Variants in PPFIBP1 observed in about 807,000 individuals in gnomAD.
The protein encoded by PPFIBP1 is PPFIB scaffold protein 1, also known as liprin-beta-1.
In PPFIBP1, 112 loss-of-function variants were observed where a neutral mutation model predicts 137.8. That is an observed-to-expected ratio of 0.81 (90% confidence interval 0.70 to 0.95). The LOEUF is 0.95. Ranked by LOEUF, PPFIBP1 falls within the 40% of genes least tolerant of loss-of-function variation. PPFIBP1 has a pLI of 0.00. For synonymous variants in PPFIBP1, 378 were observed against 417.3 expected (o/e 0.91, Z 1.15); for missense variants, 1,083 against 1,196.6 (o/e 0.91, Z 1.40).
chr12:27,676,971 CGAG>C (rs2060555186), intron 18 of PPFIBP1, 90 bp from the exon 19 acceptor site: 2 of 1,540,594 alleles, frequency 1.3e-6, no homozygotes, highest in African/African-American at 1.4e-5. Context: ...GTGTATTTGG[CGAG>C]GAGGAGTCTG....
At chr12:27,631,445 G>A (rs1016855447) in intron 2 of PPFIBP1, among the ~76,000 whole-genome samples, 6 of 151,962 alleles carry the variant, frequency 3.9e-5, no homozygotes, top group Non-Finnish European at 8.8e-5. Context: ...TACCACCTTC[G>A]CCATGTTACA....
intron 2 of PPFIBP1, among the ~76,000 whole-genome samples, chr12:27,600,503 T>G (rs2053860388): frequency 6.6e-6 from 1 of 152,092 alleles, no homozygotes. Flanking sequence ...AACGCCTGTG[T>G]ACTTAAATCT....
chr12:27,548,068 T>C (rs1946402991), intron 1 of PPFIBP1: 1 of 152,212 alleles, frequency 6.6e-6, no homozygotes, highest in South Asian at 2.1e-4. Context: ...CTTTGTGAAC[T>C]ATTAAATAAA....
At chr12:27,676,751 C>T (rs540494941) in intron 18 of PPFIBP1, 152 bp downstream of exon 18, 41 of 774,198 alleles carry the variant, frequency 5.3e-5, no homozygotes, top group Non-Finnish European at 7.5e-5. Context: ...AAAATGCCTC[C>T]GTGGATTTAA....
In PPFIBP1 at chr12:27,693,280, T is replaced by C. The variant is rs541448659; in HGVS notation, c.*398T>C. 1 of 157,148 alleles carries C rather than the reference T, an allele frequency of 6.4e-6. No individual in the cohort carries two copies. Among genetic ancestry groups the C allele is most frequent in the African/African-American group, 2.4e-5 (1 of 41,636 alleles). 9.7% of individuals were successfully genotyped at this position (157,148 alleles called of 1,614,324 possible). A position where few individuals can be genotyped will look rare whatever the true frequency, so the allele number is the denominator to read the frequency against. ...CCACCTAAGTAGGACATTATATGAT[T>C]TCAGAATCAATATGTGGAACTTCTT... On this transcript the variant is annotated 3_prime_UTR_variant, in exon 30 of 30. Coordinates refer to ENST00000228425, the MANE Select transcript of PPFIBP1 (RefSeq NM_003622.4).
chr12:27,541,425 C>T (rs571722685), intron 1 of PPFIBP1, among the ~76,000 whole-genome samples: 2 of 152,048 alleles, frequency 1.3e-5, no homozygotes, highest in Admixed American at 6.6e-5. Flanking sequence ...CTGAAACCAG[C>T]GGCTTGCTGA....
intron 13 of PPFIBP1, 48 bp downstream of exon 13, chr12:27,667,368 A>C (rs2059919526): frequency 6.8e-7 from 1 of 1,470,290 alleles, no homozygotes; most frequent in African/African-American, 1.4e-5. Context: ...AGACTGTGTT[A>C]CTGAAAAGTT....
chr12:27,578,135 T>C lies in PPFIBP1; in HGVS notation c.-123-17T>C, dbSNP rs527390109. On this transcript the variant is annotated splice_polypyrimidine_tract_variant and intron_variant, in intron 1 of 29. Coordinates refer to ENST00000228425, the MANE Select transcript of PPFIBP1 (RefSeq NM_003622.4). Reference sequence around the variant, plus strand: ...CTATAATTTTAACTTGTCGTTTTTGTATTTGTTTCTTTTCAGTATAAAAGA... The same window carrying C: ...CTATAATTTTAACTTGTCGTTTTTGCATTTGTTTCTTTTCAGTATAAAAGA... 2 of 152,364 alleles carry C rather than the reference T, an allele frequency of 1.3e-5. No individual in the cohort carries two copies. Among genetic ancestry groups the C allele is most frequent in the East Asian group, 1.9e-4 (1 of 5,194 alleles). The allele number at this position is 152,364 out of a possible 1,614,324, so 9.4% of individuals were successfully genotyped here.
intron 2 of PPFIBP1, among the ~76,000 whole-genome samples, chr12:27,602,368 T>G (rs2054090356): frequency 6.6e-6 from 1 of 152,244 alleles, no homozygotes; most frequent in Non-Finnish European, 1.5e-5. Flanking sequence ...GTGAAATGAT[T>G]ACCACAATCA....
chr12:27,564,932 C>T (rs143310494), intron 1 of PPFIBP1, among the ~76,000 whole-genome samples: 15 of 152,268 alleles, frequency 9.9e-5, no homozygotes, highest in East Asian at 5.8e-4. Flanking sequence ...GCCCTGTGAC[C>T]GCTGCTTCCA....
intron 1 of PPFIBP1, among the ~76,000 whole-genome samples, chr12:27,539,707 T>C (rs1465601750): frequency 6.6e-6 from 1 of 152,220 alleles, no homozygotes; most frequent in Non-Finnish European, 1.5e-5. Flanking sequence ...TGTTACACTT[T>C]TTTTGTAATT....
intron 4 of PPFIBP1, among the ~76,000 whole-genome samples, chr12:27,639,977 GT>G (rs1210615912): frequency 6.6e-6 from 1 of 152,010 alleles, no homozygotes; most frequent in East Asian, 1.9e-4. Context: ...TCCAGGAAAT[GT>G]TTTCTCAGGC....
At chr12:27,565,698 C>T (rs11049049) in intron 1 of PPFIBP1, among the ~76,000 whole-genome samples, 15,362 of 152,220 alleles carry the variant, frequency 0.1, 974 homozygotes, top group South Asian at 0.28. Flanking sequence ...AGTTTATAAA[C>T]AGTGAAGGGG....
chr12:27,572,832 A>G (rs189935266), intron 1 of PPFIBP1, among the ~76,000 whole-genome samples: 1 of 152,300 alleles, frequency 6.6e-6, no homozygotes, highest in East Asian at 1.9e-4. Flanking sequence ...TTGCAGATAT[A>G]CCATAACATG....
At chr12:27,606,272 G>GT (rs946918488) in intron 2 of PPFIBP1, among the ~76,000 whole-genome samples, 17 of 152,252 alleles carry the variant, frequency 1.1e-4, no homozygotes, top group African/African-American at 3.6e-4. Context: ...TGTATAATGT[G>GT]TTTTGCAGTA....
At chr12:27,681,512 A>G (rs2060870949) in intron 21 of PPFIBP1, 34 bp from the exon 22 acceptor site, 1 of 1,605,352 alleles carries the variant, frequency 6.2e-7, no homozygotes, top group South Asian at 1.1e-5. Context: ...TTGGCTTTGG[A>G]TTATTTTTCA....
intron 2 of PPFIBP1, among the ~76,000 whole-genome samples, chr12:27,606,666 T>C (rs2054559090): frequency 6.6e-6 from 1 of 152,196 alleles, no homozygotes; most frequent in Non-Finnish European, 1.5e-5. Context: ...AAAAATCAAT[T>C]CCGTAAGTTT....
intron 2 of PPFIBP1, among the ~76,000 whole-genome samples, chr12:27,631,597 C>T (rs1482771037): frequency 2.0e-5 from 3 of 152,152 alleles, no homozygotes; most frequent in South Asian, 2.1e-4. Flanking sequence ...TGAAGGGATT[C>T]GTCTCCAATG....
rs111226643 is a variant in PPFIBP1 at position 27,566,678 on chromosome 12, A to G, written c.-123-11474A>G. Reference sequence around the variant, plus strand: ...TATTGTTTGCTAAGCTCTCTATGTGAATTACATCACTTAATTCTCACACAG... The same window carrying G: ...TATTGTTTGCTAAGCTCTCTATGTGGATTACATCACTTAATTCTCACACAG... On this transcript the variant is annotated intron_variant, in intron 1 of 29. Transcript: ENST00000228425. Among the ~76,000 whole-genome samples, 489 of 152,278 alleles carry G rather than the reference A, an allele frequency of 3.2e-3. 2 individuals are homozygous for G. Among genetic ancestry groups the G allele is most frequent in the Non-Finnish European group, 5.2e-3 (354 of 68,026 alleles).
Sources: gnomAD v4.1 joint callset for allele counts (sites outside exome capture counted in the v4.1 genomes callset) on GRCh38, gnomAD v4.1.1 for gene constraint, MANE v1.5 for transcripts, NCBI Gene and HGNC (gene_info 2026-07-23, HGNC 2026-07-21) for gene names.